The following CACNA2D3 variants were observed in gnomAD, a reference collection of about 807,000 sequenced individuals.
The protein encoded by CACNA2D3 is calcium voltage-gated channel auxiliary subunit alpha2delta 3.
In CACNA2D3, 60 loss-of-function variants were observed where a neutral mutation model predicts 160.6. The ratio of observed to expected loss-of-function variants is 0.37; its 90% CI spans 0.30 to 0.46. The LOEUF is 0.46. CACNA2D3 is among the 20% of genes least tolerant of loss of function. The probability of loss-of-function intolerance (pLI) is 1.00; values close to 1 mark genes in which losing one functional copy is unlikely to be tolerated. For missense variants in CACNA2D3, 1,205 were observed against 1,365.0 expected, an observed-to-expected ratio of 0.88 and a Z score of 1.85; for synonymous variants, 558 against 492.9, an observed-to-expected ratio of 1.13 and a Z score of -1.75.
chr3:54,713,933 G>A (rs1701001067), intron 11 of CACNA2D3, among the ~76,000 whole-genome samples: 1 of 152,104 alleles, frequency 6.6e-6, no homozygotes, highest in African/African-American at 2.4e-5. Flanking sequence ...GGAGAATGTA[G>A]CCATTGTTCA....
intron 3 of CACNA2D3, among the ~76,000 whole-genome samples, chr3:54,321,715 G>T (rs113552830): frequency 5.9e-5 from 9 of 152,198 alleles, no homozygotes; most frequent in Admixed American, 1.3e-4. Context: ...CCCAGAGTCC[G>T]CATTCTTTAC....
At chr3:54,815,642 A>G (rs1371977036) in intron 13 of CACNA2D3, among the ~76,000 whole-genome samples, 2 of 152,320 alleles carry the variant, frequency 1.3e-5, no homozygotes, top group Admixed American at 6.5e-5. Flanking sequence ...ATTGAGTTGA[A>G]TTAGTATGTT....
intron 35 of CACNA2D3, among the ~76,000 whole-genome samples, chr3:55,041,627 G>C (rs2107191838): frequency 6.6e-6 from 1 of 151,912 alleles, no homozygotes; most frequent in Admixed American, 6.6e-5. Flanking sequence ...TCATTCTTTG[G>C]TGTTTAAAAA....
At chr3:54,661,246 C>T (rs991389687) in intron 11 of CACNA2D3, among the ~76,000 whole-genome samples, 2 of 152,140 alleles carry the variant, frequency 1.3e-5, no homozygotes, top group African/African-American at 4.8e-5. Flanking sequence ...GAATTTTTAG[C>T]CCTTTCAACC....
chr3:54,588,103 A>G (rs1702795915), intron 9 of CACNA2D3, among the ~76,000 whole-genome samples: 1 of 152,250 alleles, frequency 6.6e-6, no homozygotes, highest in Admixed American at 6.5e-5. Context: ...TATATAAAAA[A>G]TAATATGCTA....
At chr3:55,024,138 A>G (rs1374058566) in intron 35 of CACNA2D3, among the ~76,000 whole-genome samples, 2 of 141,188 alleles carry the variant, frequency 1.4e-5, no homozygotes, top group Non-Finnish European at 3.0e-5. Flanking sequence ...CCTTGGAAGC[A>G]ATGGGTTCAG....
rs150854721 is a variant in CACNA2D3, at chr3:54,819,848, A to AAC, written c.1398+2994_1398+2995dup. 1.9e-3 allele frequency among the ~76,000 whole-genome samples: 293 copies of AAC among 151,598 alleles called. 1 individual carries two copies. Among genetic ancestry groups the AAC allele is most frequent in the Middle Eastern group, 0.01 (3 of 290 alleles). ...GACAGGGTGAGACTCCACCTCAAAAAACACACACACACACACAAAACCTGT... is the reference window on the plus strand; with the variant it reads ...GACAGGGTGAGACTCCACCTCAAAAAACACACACACACACACACAAAACCTGT... On this transcript the variant is annotated intron_variant, in intron 14 of 37. Coordinates refer to ENST00000474759, the MANE Select transcript of CACNA2D3 (RefSeq NM_018398.3).
intron 31 of CACNA2D3, among the ~76,000 whole-genome samples, chr3:54,991,675 G>A (rs1028163921): frequency 1.3e-5 from 2 of 152,206 alleles, no homozygotes; most frequent in African/African-American, 4.8e-5. Context: ...GGTTCCTGAC[G>A]GGGCCTTTGT....
At chr3:54,287,836 G>T (rs1373715146) in intron 2 of CACNA2D3, among the ~76,000 whole-genome samples, 34 of 150,078 alleles carry the variant, frequency 2.3e-4, no homozygotes, top group African/African-American at 5.1e-4. Flanking sequence ...ACTGGGTACA[G>T]AACGAAATGA....
intron 14 of CACNA2D3, among the ~76,000 whole-genome samples, chr3:54,822,746 CTTTCTTTCTTTCTTTCTTTCTTTCT>C (rs1703639156): frequency 1.6e-5 from 1 of 64,092 alleles, no homozygotes; most frequent in African/African-American, 6.9e-5. Context: ...TTCTTTCTTT[CTTTCTTTCTTTCTTTCTTTCTTTCT>C]TTCTTTCTTT....
intron 5 of CACNA2D3, among the ~76,000 whole-genome samples, chr3:54,506,751 G>C (rs963181797): frequency 1.6e-4 from 25 of 152,284 alleles, no homozygotes; most frequent in African/African-American, 5.8e-4. Context: ...CTGAGTGGCT[G>C]CTCTGGCATC....
intron 11 of CACNA2D3, among the ~76,000 whole-genome samples, chr3:54,682,427 A>T (rs530591624): frequency 1.3e-5 from 2 of 152,220 alleles, no homozygotes; most frequent in South Asian, 4.2e-4. Flanking sequence ...GGAGTTTGAG[A>T]CCAGCCTGGC....
chr3:54,678,194 A>G (rs1010572262), intron 11 of CACNA2D3, among the ~76,000 whole-genome samples: 28 of 152,142 alleles, frequency 1.8e-4, no homozygotes, highest in African/African-American at 6.8e-4. Flanking sequence ...CCTTTCTGTA[A>G]TAATTTAGCT....
intron 29 of CACNA2D3, among the ~76,000 whole-genome samples, chr3:54,983,932 G>A (rs894791563): frequency 1.3e-5 from 2 of 152,138 alleles, no homozygotes; most frequent in East Asian, 1.9e-4. Flanking sequence ...AAAGTAGTGT[G>A]GGGGAAGCAG....
At chr3:54,440,821 AT>A (rs1475274246) in intron 4 of CACNA2D3, among the ~76,000 whole-genome samples, 1 of 152,012 alleles carries the variant, frequency 6.6e-6, no homozygotes, top group Non-Finnish European at 1.5e-5. Context: ...TGAACTCATC[AT>A]TTTTTATGGC....
At chr3:54,270,966 TA>T (rs1702611552) in intron 2 of CACNA2D3, among the ~76,000 whole-genome samples, 1 of 152,242 alleles carries the variant, frequency 6.6e-6, no homozygotes, top group African/African-American at 2.4e-5. Flanking sequence ...TTTTATGTAT[TA>T]TTTTTATATA....
chr3:55,034,431 A>G (rs1703769142), intron 35 of CACNA2D3, among the ~76,000 whole-genome samples: 1 of 152,014 alleles, frequency 6.6e-6, no homozygotes, highest in Non-Finnish European at 1.5e-5. Context: ...TTAAGGTGCT[A>G]GACATTTCTA....
At chr3:54,447,690 A>G (rs983361155) in intron 4 of CACNA2D3, among the ~76,000 whole-genome samples, 10 of 152,318 alleles carry the variant, frequency 6.6e-5, no homozygotes, top group Admixed American at 6.5e-5. Context: ...CAAAGCAAAT[A>G]CAGGCCAGAG....
intron 3 of CACNA2D3, among the ~76,000 whole-genome samples, chr3:54,357,872 G>A (rs1355400650): frequency 6.6e-6 from 1 of 152,212 alleles, no homozygotes; most frequent in African/African-American, 2.4e-5. Flanking sequence ...AGGAAAAACT[G>A]TGGAGACAGA....
Sources: gnomAD v4.1 joint callset for allele counts (sites outside exome capture counted in the v4.1 genomes callset) on GRCh38, gnomAD v4.1.1 for gene constraint, MANE v1.5 for transcripts, NCBI Gene and HGNC (gene_info 2026-07-23, HGNC 2026-07-21) for gene names.